MALT1: variants seen among roughly 807,000 people sequenced by gnomAD.
The protein encoded by MALT1 is mucosa-associated lymphoid tissue lymphoma translocation protein 1.
Under a neutral mutation model 85.5 loss-of-function variants are expected in MALT1, and 36 were observed. The observed-to-expected ratio is 0.42, with a 90% CI of 0.32 to 0.56. MALT1 has a LOEUF of 0.56. Ranked by LOEUF, MALT1 falls within the 20% of genes least tolerant of loss-of-function variation. The pLI, the probability that MALT1 is intolerant of heterozygous loss-of-function variation, is 0.10. For missense variants in MALT1, 716 were observed against 981.6 expected, an observed-to-expected ratio of 0.73 and a Z score of 3.62; for synonymous variants, 359 against 361.3, an observed-to-expected ratio of 0.99 and a Z score of 0.07.
intron 5 of MALT1, 34 bp from the exon 6 acceptor site, chr18:58,709,942 G>T (rs777324196): frequency 1.0e-5 from 13 of 1,302,446 alleles, no homozygotes; most frequent in Non-Finnish European, 1.4e-5. Context: ...TAAAATAGAA[G>T]AGGAAGCATT....
At chr18:58,688,840 C>T (rs892998347) in intron 2 of MALT1, among the ~76,000 whole-genome samples, 2 of 151,932 alleles carry the variant, frequency 1.3e-5, no homozygotes, top group African/African-American at 2.4e-5. Context: ...GCGGGATTAC[C>T]GTGGGAGATA....
At chr18:58,688,417 G>A (rs1172745474) in intron 2 of MALT1, among the ~76,000 whole-genome samples, 1 of 151,548 alleles carries the variant, frequency 6.6e-6, no homozygotes, top group East Asian at 1.9e-4. Context: ...GCCAGGCACA[G>A]TGGCTCACAC....
intron 2 of MALT1, among the ~76,000 whole-genome samples, chr18:58,687,360 G>C (rs1399011088): frequency 6.6e-6 from 1 of 152,116 alleles, no homozygotes; most frequent in African/African-American, 2.4e-5. Context: ...GATGTGATGT[G>C]GGAAACTAGA....
At chr18:58,679,356 T>C (rs1306358811) in intron 1 of MALT1, among the ~76,000 whole-genome samples, 1 of 152,280 alleles carries the variant, frequency 6.6e-6, no homozygotes, top group African/African-American at 2.4e-5. Flanking sequence ...GTAAATATTT[T>C]TGGCTTTGCA....
chr18:58,709,243 G>C (rs972377731), intron 4 of MALT1, 135 bp from the exon 5 acceptor site: 1 of 572,652 alleles, frequency 1.7e-6, no homozygotes, highest in South Asian at 3.2e-5. Context: ...GAGTGCTATA[G>C]TTTTTTTAAA....
intron 2 of MALT1, 51 bp from the exon 3 acceptor site, chr18:58,696,315 G>A (rs779312203): frequency 7.1e-5 from 92 of 1,303,032 alleles, no homozygotes; most frequent in Non-Finnish European, 8.6e-5. Flanking sequence ...TATAAACAAG[G>A]AAAATCCCTC....
rs1214158278 is a variant in MALT1, at chr18:58,671,543, C to A, written c.-101C>A. On this transcript the variant is annotated 5_prime_UTR_variant, in exon 1 of 17. Transcript: ENST00000649217. ...GCGCTGCCAGATTTGTTCTTCCGCC[C>A]CTGCCTCCGCGGCTCGGAGGCGAGC... 2.7e-6 allele frequency: 2 copies of A among 739,556 alleles called. No homozygotes were observed. Among genetic ancestry groups the A allele is most frequent in the African/African-American group, 1.8e-5 (1 of 54,432 alleles). The allele number at this position is 739,556 out of a possible 1,614,324, so 45.8% of individuals were successfully genotyped here. A position where few individuals can be genotyped will look rare whatever the true frequency, so the allele number is the denominator to read the frequency against.
At chr18:58,681,393 A>G in intron 2 of MALT1, 57 bp downstream of exon 2, 1 of 1,504,154 alleles carries the variant, frequency 6.6e-7, no homozygotes, top group Admixed American at 2.0e-5. Flanking sequence ...ACTTAGAAGA[A>G]ATTATCTCTT....
chr18:58,739,701 G>T (rs1410430704), intron 13 of MALT1, among the ~76,000 whole-genome samples: 2 of 152,064 alleles, frequency 1.3e-5, no homozygotes, highest in Non-Finnish European at 2.9e-5. Context: ...ACTCTCCTCT[G>T]CATCCCCAGC....
chr18:58,676,385 A>G (rs186279227), intron 1 of MALT1, among the ~76,000 whole-genome samples: 4 of 151,318 alleles, frequency 2.6e-5, no homozygotes, highest in Admixed American at 6.6e-5. Context: ...CAACTCTCCT[A>G]TTGTTTTTCC....
rs544419362 is a variant in MALT1 at position 58,741,762 on chromosome 18, T to A, written c.1604-103T>A. The A allele has an allele frequency of 1.9e-4, 113 of 605,990 alleles. No individual in the cohort carries two copies. The African/African-American group carries it at 2.0e-3, about 11-fold the overall frequency. The allele number at this position is 605,990 out of a possible 1,614,324, so 37.5% of individuals were successfully genotyped here. On this transcript the variant is annotated intron_variant, in intron 13 of 16. Transcript: ENST00000649217. ...AAATATTTGTTGAGTGAATAAATGA[T>A]ACTGAGAATATAACCTGATAATGTA...
intron 10 of MALT1, among the ~76,000 whole-genome samples, chr18:58,724,672 T>C (rs964821044): frequency 6.6e-6 from 1 of 152,166 alleles, no homozygotes; most frequent in Non-Finnish European, 1.5e-5. Flanking sequence ...ATTTAAAATA[T>C]TGTATAAAAT....
chr18:58,675,011 C>G (rs1361651359), intron 1 of MALT1, among the ~76,000 whole-genome samples: 1 of 152,166 alleles, frequency 6.6e-6, no homozygotes. Flanking sequence ...GCTGATGACT[C>G]AGAGTAAATC....
Position 58,671,591 on chromosome 18 carries a change from C to A in MALT1, c.-53C>A, listed in dbSNP as rs1052638397. On this transcript the variant is annotated 5_prime_UTR_variant, in exon 1 of 17. Coordinates refer to ENST00000649217, the MANE Select transcript of MALT1 (RefSeq NM_006785.4). The stretch of plus-strand genomic sequence containing the variant: ...AGCGGAAGGTGCCCCGGGGCCGAGG[C>A]CCGTGACGGGGCGGGCGGGAGCCCC... 6 of 1,148,448 alleles carry A rather than the reference C, an allele frequency of 5.2e-6. No individual in the cohort carries two copies. The highest frequency in any genetic ancestry group is 6.5e-6 in the Non-Finnish European group (6 of 918,326). The allele number at this position is 1,148,448 out of a possible 1,614,324, so 71.1% of individuals were successfully genotyped here. A position where few individuals can be genotyped will look rare whatever the true frequency, so the allele number is the denominator to read the frequency against.
At chr18:58,697,653 T>G (rs1236805719) in intron 3 of MALT1, among the ~76,000 whole-genome samples, 1 of 152,250 alleles carries the variant, frequency 6.6e-6, no homozygotes, top group African/African-American at 2.4e-5. Context: ...ACATTAAGTA[T>G]ATCATTTGTA....
intron 2 of MALT1, among the ~76,000 whole-genome samples, chr18:58,693,365 T>G (rs532067134): frequency 2.0e-5 from 3 of 152,220 alleles, no homozygotes; most frequent in African/African-American, 7.2e-5. Flanking sequence ...GAGGTTGCAG[T>G]GAGCGAGATC....
intron 1 of MALT1, among the ~76,000 whole-genome samples, chr18:58,679,910 A>G (rs2054295768): frequency 6.6e-6 from 1 of 152,154 alleles, no homozygotes; most frequent in Non-Finnish European, 1.5e-5. Context: ...AAAAATTATC[A>G]AAAGAGCCAG....
At chr18:58,675,227 G>A (rs1378811545) in intron 1 of MALT1, 1 of 152,208 alleles carries the variant, frequency 6.6e-6, no homozygotes, top group African/African-American at 2.4e-5. Context: ...CTTCCAGGAG[G>A]TTCTAAATGC....
In MALT1 at chr18:58,696,434, C is replaced by T. The variant is rs763701192; in HGVS notation, c.445C>T (p.Arg149Trp). 23 of 1,592,738 alleles carry T rather than the reference C, an allele frequency of 1.4e-5. No homozygotes were observed. Among genetic ancestry groups the T allele is most frequent in the East Asian group, 4.6e-5 (2 of 43,894 alleles). ...TGGACAGTTTGTGAAACTGTGTTGC[C>T]GGGCAACTGGACATCCTTTTGTTCA... is the stretch of plus-strand genomic sequence containing the variant. ...LAGQFVKLCCRATGHPFVQYQ... is the reference protein window; with the variant it reads ...LAGQFVKLCCWATGHPFVQYQ... The change falls in exon 3 of 17, where the codon CGG (arginine) becomes TGG (tryptophan). Residue 149 changes from arginine (R) to tryptophan (W), a missense_variant. Coordinates refer to ENST00000649217, the MANE Select transcript of MALT1 (RefSeq NM_006785.4).
Sources: gnomAD v4.1 joint callset for allele counts (sites outside exome capture counted in the v4.1 genomes callset) on GRCh38, gnomAD v4.1.1 for gene constraint, MANE v1.5 for transcripts, NCBI Gene and HGNC (gene_info 2026-07-23, HGNC 2026-07-21) for gene names.